The following SAMD12 variants were observed in gnomAD, a reference collection of about 807,000 sequenced individuals.
SAMD12 encodes sterile alpha motif domain containing 12.
Under a neutral mutation model 15.0 loss-of-function variants are expected in SAMD12, and 9 were observed. That is an observed-to-expected ratio of 0.60 (90% CI 0.36 to 1.05). SAMD12 has a LOEUF of 1.05. SAMD12 is among the 50% of genes least tolerant of loss of function. SAMD12 has a pLI of 0.01. For missense variants in SAMD12, 230 were observed against 234.2 expected (o/e 0.98, Z 0.12); for synonymous variants, 86 against 90.1 (o/e 0.96, Z 0.25).
intron 4 of SAMD12, among the ~76,000 whole-genome samples, chr8:118,252,341 T>C (rs1005966135): frequency 3.3e-5 from 5 of 152,138 alleles, no homozygotes; most frequent in African/African-American, 1.2e-4. Context: ...GAGGGGTCTG[T>C]CCAAAGATCT....
At chr8:118,398,845 G>C (rs990524873) in intron 3 of SAMD12, among the ~76,000 whole-genome samples, 2 of 152,090 alleles carry the variant, frequency 1.3e-5, no homozygotes, top group Admixed American at 6.6e-5. Flanking sequence ...GCAGTTTATT[G>C]TGTATCAGTT....
chr8:118,396,058 CCATT>C (rs1435607729), intron 3 of SAMD12, among the ~76,000 whole-genome samples: 4 of 152,070 alleles, frequency 2.6e-5, no homozygotes, highest in African/African-American at 7.2e-5. Context: ...AGTTCAGTGT[CCATT>C]CATTCTTCTT....
intron 2 of SAMD12, among the ~76,000 whole-genome samples, chr8:118,569,193 T>C (rs189697821): frequency 1.3e-5 from 2 of 152,242 alleles, no homozygotes; most frequent in South Asian, 4.1e-4. Flanking sequence ...CATCATGCCA[T>C]AAGTAGAAAA....
chr8:118,205,785 G>C (rs550880223), intron 4 of SAMD12, among the ~76,000 whole-genome samples: 9 of 152,000 alleles, frequency 5.9e-5, no homozygotes, highest in Non-Finnish European at 1.2e-4. Flanking sequence ...TTGCTTGGAT[G>C]GTCACCTTTC....
At chr8:118,621,294 C>T (rs1056122699) in intron 1 of SAMD12, 1 of 181,614 alleles carries the variant, frequency 5.5e-6, no homozygotes, top group African/African-American at 2.3e-5. Context: ...CACCTCTACC[C>T]TCTGGGTACA....
chr8:118,168,012 T>C, the SAMD12 span, among the ~76,000 whole-genome samples: 11 of 152,152 alleles, frequency 7.2e-5, no homozygotes, highest in African/African-American at 2.4e-4. Context: ...TGGGAGGTAA[T>C]TGAATCACAG....
At chr8:118,216,546 A>G (rs1365215002) in intron 4 of SAMD12, among the ~76,000 whole-genome samples, 1 of 152,196 alleles carries the variant, frequency 6.6e-6, no homozygotes, top group Non-Finnish European at 1.5e-5. Flanking sequence ...CCAGAGATCT[A>G]TATTTTAATC....
chr8:118,428,915 T>C (rs1822316574), intron 3 of SAMD12, among the ~76,000 whole-genome samples: 1 of 152,232 alleles, frequency 6.6e-6, no homozygotes, highest in Non-Finnish European at 1.5e-5. Flanking sequence ...TGAGTTTCAC[T>C]ACTCTAACGT....
chr8:118,165,620 A>ATATATACATATATATGTATATATG, the SAMD12 span, among the ~76,000 whole-genome samples: 3 of 132,334 alleles, frequency 2.3e-5, no homozygotes, highest in African/African-American at 9.6e-5. Flanking sequence ...ATATGTATAT[A>ATATATACATATATATGTATATATG]TATATATATA....
intron 2 of SAMD12, among the ~76,000 whole-genome samples, chr8:118,456,637 A>C (rs988613985): frequency 2.6e-5 from 4 of 152,226 alleles, no homozygotes; most frequent in African/African-American, 7.2e-5. Flanking sequence ...GACAAAGGTG[A>C]GCAACTTAAA....
chr8:118,420,703 TTGTG>T (rs1239759816), intron 3 of SAMD12, among the ~76,000 whole-genome samples: 1 of 152,228 alleles, frequency 6.6e-6, no homozygotes, highest in Non-Finnish European at 1.5e-5. Context: ...TTTTTATTTT[TTGTG>T]TATGTACAGT....
rs550361627 is a variant in SAMD12 at position 118,463,042 on chromosome 8, A to AGTG, written c.193-23084_193-23082dup. 6.9e-3 allele frequency among the ~76,000 whole-genome samples: 937 copies of AGTG among 136,590 alleles called. 5 individuals are homozygous for AGTG. The highest frequency in any genetic ancestry group is 0.012 in the Non-Finnish European group (752 of 65,286). 89.6% of individuals were successfully genotyped at this position (136,590 alleles called of 152,430 possible). A position where few individuals can be genotyped will look rare whatever the true frequency, so the allele number is the denominator to read the frequency against. Reference sequence around the variant, plus strand: ...CGTGAACCCGGGAGGCGGAGCTTGCAGTGAGTCGAGATCGCGCCACTGCAC... The same window carrying AGTG: ...CGTGAACCCGGGAGGCGGAGCTTGCAGTGGTGAGTCGAGATCGCGCCACTGCAC... On this transcript the variant is annotated intron_variant, in intron 2 of 3. Coordinates refer to ENST00000314727, the MANE Select transcript of SAMD12 (RefSeq NM_207506.3).
chr8:118,228,688 G>A (rs1812238174), intron 4 of SAMD12, among the ~76,000 whole-genome samples: 1 of 152,164 alleles, frequency 6.6e-6, no homozygotes, highest in Admixed American at 6.5e-5. Flanking sequence ...CACTGCTGGT[G>A]GGAATGTAAA....
At chr8:118,364,175 C>T (rs1455843070) in intron 4 of SAMD12, among the ~76,000 whole-genome samples, 4 of 152,112 alleles carry the variant, frequency 2.6e-5, no homozygotes, top group Non-Finnish European at 5.9e-5. Flanking sequence ...GATAACTTTG[C>T]CCTTATACCT....
intron 4 of SAMD12, among the ~76,000 whole-genome samples, chr8:118,366,226 G>A (rs559691484): frequency 6.6e-6 from 1 of 152,204 alleles, no homozygotes; most frequent in South Asian, 2.1e-4. Flanking sequence ...ACTAATAGCT[G>A]GCAAAGTTCA....
intron 1 of SAMD12, among the ~76,000 whole-genome samples, chr8:118,610,347 A>G (rs901431443): frequency 6.6e-6 from 1 of 152,242 alleles, no homozygotes; most frequent in African/African-American, 2.4e-5. Flanking sequence ...CCAAAAGACA[A>G]CTAGCAAATC....
At chr8:118,198,595 C>T (rs1586333794) in intron 4 of SAMD12, among the ~76,000 whole-genome samples, 1 of 152,120 alleles carries the variant, frequency 6.6e-6, no homozygotes. Context: ...AGTTTTCAAA[C>T]CTGGCTCTCA....
At chr8:118,155,662 A>G in the SAMD12 span, among the ~76,000 whole-genome samples, 1 of 152,214 alleles carries the variant, frequency 6.6e-6, no homozygotes, top group African/African-American at 2.4e-5. Flanking sequence ...GTATTGCTAA[A>G]TCAAGTGAAT....
chr8:118,257,616 G>C (rs2130046877), intron 4 of SAMD12, among the ~76,000 whole-genome samples: 1 of 152,122 alleles, frequency 6.6e-6, no homozygotes, highest in African/African-American at 2.4e-5. Flanking sequence ...ACACTCACAG[G>C]TTAGCCTGCA....
Sources: gnomAD v4.1 joint callset for allele counts (sites outside exome capture counted in the v4.1 genomes callset) on GRCh38, gnomAD v4.1.1 for gene constraint, MANE v1.5 for transcripts, NCBI Gene and HGNC (gene_info 2026-07-23, HGNC 2026-07-21) for gene names.